PTPRN2: variants seen among roughly 807,000 people sequenced by gnomAD.
PTPRN2 encodes the protein protein tyrosine phosphatase receptor type N2.
In PTPRN2, 74 loss-of-function variants were observed where a neutral mutation model predicts 118.8. The ratio of observed to expected loss-of-function variants is 0.62; its 90% CI spans 0.52 to 0.76. PTPRN2 has a LOEUF of 0.76. Among genes scored for constraint, PTPRN2 ranks in the 30% least tolerant of loss-of-function variants. The pLI is 0.00. For missense variants in PTPRN2, 1,481 were observed against 1,394.4 expected, an observed-to-expected ratio of 1.06 and a Z score of -0.99; for synonymous variants, 641 against 608.0, an observed-to-expected ratio of 1.05 and a Z score of -0.80.
intron 22 of PTPRN2, among the ~76,000 whole-genome samples, chr7:157,545,743 G>A (rs183920066): frequency 2.0e-4 from 31 of 152,234 alleles, no homozygotes; most frequent in Non-Finnish European, 3.8e-4. Context: ...CCACAACGAT[G>A]ATGTTTTGCT....
intron 3 of PTPRN2, among the ~76,000 whole-genome samples, chr7:158,227,180 G>A (rs1554585367): frequency 6.6e-6 from 1 of 152,142 alleles, no homozygotes; most frequent in Non-Finnish European, 1.5e-5. Flanking sequence ...TCAAAGTAAA[G>A]AGGATGGGAT....
chr7:157,841,512 C>T lies in PTPRN2; in HGVS notation c.1788+57161G>A, dbSNP rs147930927. ...TTTGAAAAGCTCCCCCAAAGGAACC[C>T]TAAATTAGTCTTAAACACACACACA... On this transcript the variant is annotated intron_variant, in intron 12 of 22. Coordinates refer to ENST00000389418, the MANE Select transcript of PTPRN2 (RefSeq NM_002847.5). Among the ~76,000 whole-genome samples, 610 of 152,302 alleles carry T rather than the reference C, an allele frequency of 4.0e-3. 2 individuals are homozygous for T. Among genetic ancestry groups the T allele is most frequent in the African/African-American group, 0.014 (580 of 41,578 alleles).
intron 9 of PTPRN2, 115 bp from the exon 10 acceptor site, chr7:158,111,030 C>G: frequency 1.1e-6 from 1 of 905,096 alleles, no homozygotes; most frequent in South Asian, 1.6e-5. Context: ...CCCTGCTCTC[C>G]TGGCCTGGGG....
intron 2 of PTPRN2, among the ~76,000 whole-genome samples, chr7:158,417,815 A>C (rs1276470784): frequency 3.6e-5 from 5 of 139,492 alleles, no homozygotes; most frequent in African/African-American, 8.4e-5. Context: ...TCTAGCTTTC[A>C]GTGTCCCGCT....
chr7:157,726,546 T>C (rs1799612650), intron 12 of PTPRN2, among the ~76,000 whole-genome samples: 1 of 152,234 alleles, frequency 6.6e-6, no homozygotes, highest in African/African-American at 2.4e-5. Context: ...CAGAGCTAAA[T>C]GTGAGACCTA....
rs117970034 is a variant in PTPRN2 at position 157,795,928 on chromosome 7, G to A, written c.1788+102745C>T. On this transcript the variant is annotated intron_variant, in intron 12 of 22. Transcript: ENST00000389418. ...ATGCTGACGCCCTCAGAAACCTGGG[G>A]CTAAGGCCACACCTGATCACCGTGA... 6.4e-4 allele frequency among the ~76,000 whole-genome samples: 98 copies of A among 152,356 alleles called. 1 individual carries two copies. In the East Asian group the frequency reaches 0.013, roughly 20 times the overall value.
At chr7:157,672,717 C>T (rs1214786152) in intron 13 of PTPRN2, among the ~76,000 whole-genome samples, 1 of 152,250 alleles carries the variant, frequency 6.6e-6, no homozygotes, top group South Asian at 2.1e-4. Context: ...AGTCCCAGCA[C>T]TTATCACTTG....
intron 2 of PTPRN2, among the ~76,000 whole-genome samples, chr7:158,397,284 G>A (rs1000638293): frequency 6.6e-6 from 1 of 152,224 alleles, no homozygotes; most frequent in African/African-American, 2.4e-5. Context: ...GGGCCACTCT[G>A]CAGAGAACCA....
At position 157,560,660 on chromosome 7, in the gene PTPRN2, G is replaced by A. The variant is rs1799142603; in HGVS notation, c.2902+8242C>T. On this transcript the variant is annotated intron_variant, in intron 21 of 22. Coordinates refer to ENST00000389418, the MANE Select transcript of PTPRN2 (RefSeq NM_002847.5). The surrounding 1 kb of genome is among the most constrained non-coding windows in gnomAD (Gnocchi z 6.7). ...AGCAGAGGAGGCCCTGCTCCTGCCC[G>A]ACCGAAGGCAACTTCTCCCTTGAAG... 6.6e-6 allele frequency among the ~76,000 whole-genome samples: 1 copy of A among 152,148 alleles called. No homozygotes were observed. The highest frequency in any genetic ancestry group is 2.1e-4 in the South Asian group (1 of 4,824).
Position 157,568,976 on chromosome 7 carries a change from GA to G in PTPRN2, c.2838-11del. ...CCGGCCTGCACCGTCACTGCCAACA[GA>G]AGGAGAGAAATGAAAGTGCTGCCGT... On this transcript the variant is annotated splice_polypyrimidine_tract_variant and intron_variant, in intron 20 of 22. Coordinates refer to ENST00000389418, the MANE Select transcript of PTPRN2 (RefSeq NM_002847.5). 1.3e-6 allele frequency: 2 copies of G among 1,554,228 alleles called. No homozygotes were observed. The highest frequency in any genetic ancestry group is 2.2e-5 in the East Asian group (1 of 44,578).
At chr7:158,269,797 A>C in intron 3 of PTPRN2, among the ~76,000 whole-genome samples, 1 of 151,828 alleles carries the variant, frequency 6.6e-6, no homozygotes, top group Non-Finnish European at 1.5e-5. Flanking sequence ...CAAAGGGAGC[A>C]GGAGAGGGAC....
intron 7 of PTPRN2, among the ~76,000 whole-genome samples, chr7:158,137,789 C>T (rs940813974): frequency 3.3e-5 from 5 of 152,186 alleles, no homozygotes; most frequent in East Asian, 1.9e-4. Flanking sequence ...TGCAGCTCCA[C>T]GCTGTGAGAA....
intron 12 of PTPRN2, among the ~76,000 whole-genome samples, chr7:157,751,500 C>T (rs1801463706): frequency 6.6e-6 from 1 of 152,170 alleles, no homozygotes; most frequent in South Asian, 2.1e-4. Flanking sequence ...AGTGCCTGCT[C>T]TCCAGCGCCC....
At position 158,540,152 on chromosome 7, in the gene PTPRN2, G is replaced by A. The variant is rs144464732; in HGVS notation, c.112+47406C>T. 2.8e-3 allele frequency among the ~76,000 whole-genome samples: 420 copies of A among 152,280 alleles called. 3 individuals are homozygous for A. Among genetic ancestry groups the A allele is most frequent in the African/African-American group, 9.5e-3 (394 of 41,566 alleles). On this transcript the variant is annotated intron_variant, in intron 1 of 22. Transcript: ENST00000389418. The stretch of plus-strand genomic sequence containing the variant: ...TTGCAGTCACACACAGGCAGGGACC[G>A]GGTCCCATGCCCTGGCTAGCCAAGG...
chr7:158,533,247 C>T (rs146012016), intron 1 of PTPRN2, among the ~76,000 whole-genome samples: 273 of 152,156 alleles, frequency 1.8e-3, no homozygotes, highest in African/African-American at 6.3e-3. Flanking sequence ...AGTGCACCCT[C>T]GCTCACAGGG....
chr7:157,717,077 T>A (rs1303248294), intron 12 of PTPRN2, among the ~76,000 whole-genome samples: 1 of 151,372 alleles, frequency 6.6e-6, no homozygotes, highest in Non-Finnish European at 1.5e-5. Context: ...GCAGGAACAC[T>A]GCCTGGCCAC....
chr7:157,964,534 A>G lies in PTPRN2; in HGVS notation c.1724-65797T>C, dbSNP rs1445192430. 6.6e-6 allele frequency among the ~76,000 whole-genome samples: 1 copy of G among 152,136 alleles called. No individual in the cohort carries two copies. Among genetic ancestry groups the G allele is most frequent in the African/African-American group, 2.4e-5 (1 of 41,434 alleles). On this transcript the variant is annotated intron_variant, in intron 11 of 22. Transcript: ENST00000389418. This position sits in a 1 kb window ranked among gnomAD's most constrained non-coding sequence, Gnocchi z 9.0. ...TCCATTTGAGGTTAAATGTTTGCCAATCTAATTTGGTCAAAACAGTTCATC... is the reference window on the plus strand; with the variant it reads ...TCCATTTGAGGTTAAATGTTTGCCAGTCTAATTTGGTCAAAACAGTTCATC...
At chr7:157,988,187 C>T (rs1803953552) in intron 11 of PTPRN2, among the ~76,000 whole-genome samples, 1 of 152,234 alleles carries the variant, frequency 6.6e-6, no homozygotes, top group Non-Finnish European at 1.5e-5. Context: ...CCAGGGAACA[C>T]CATGCTGTCT....
chr7:158,362,568 C>T (rs1480244778), intron 2 of PTPRN2, among the ~76,000 whole-genome samples: 1 of 152,182 alleles, frequency 6.6e-6, no homozygotes, highest in Non-Finnish European at 1.5e-5. Flanking sequence ...GTCCCCTCTG[C>T]AAGGGACAAA....
Sources: allele counts gnomAD v4.1 joint callset (sites outside exome capture counted in the v4.1 genomes callset), GRCh38; gene constraint gnomAD v4.1.1; non-coding constraint Gnocchi (gnomAD v3.1); transcripts MANE v1.5; gene names NCBI Gene and HGNC (gene_info 2026-07-23, HGNC 2026-07-21).